CACNB2: variants seen among roughly 807,000 people sequenced by gnomAD.
CACNB2 encodes the protein voltage-dependent L-type calcium channel subunit beta-2.
In CACNB2, 42 loss-of-function variants were observed where a neutral mutation model predicts 73.3. The ratio of observed to expected loss-of-function variants is 0.57; its 90% CI spans 0.45 to 0.74. The LOEUF (loss-of-function observed/expected upper bound fraction) is 0.74, where lower values mean the gene tolerates loss of function less well. Among genes scored for constraint, CACNB2 ranks in the 30% least tolerant of loss-of-function variants. The pLI, the probability that CACNB2 is intolerant of heterozygous loss-of-function variation, is 0.00. For synonymous variants in CACNB2, 348 were observed against 310.3 expected (o/e 1.12, Z -1.28); for missense variants, 940 against 853.0 (o/e 1.10, Z -1.27).
chr10:18,262,520 T>C (rs978699493), intron 2 of CACNB2, among the ~76,000 whole-genome samples: 1 of 152,232 alleles, frequency 6.6e-6, no homozygotes, highest in Non-Finnish European at 1.5e-5. Flanking sequence ...CCAAGATTTC[T>C]AAAGACGACA....
intron 2 of CACNB2, among the ~76,000 whole-genome samples, chr10:18,262,439 A>G (rs1003574095): frequency 1.6e-4 from 24 of 152,156 alleles, no homozygotes; most frequent in Admixed American, 9.8e-4. Flanking sequence ...GTTGTTACAT[A>G]TTTGGTGCCA....
intron 2 of CACNB2, among the ~76,000 whole-genome samples, chr10:18,301,423 C>T (rs993360322): frequency 3.4e-5 from 5 of 146,212 alleles, no homozygotes; most frequent in Admixed American, 1.4e-4. Context: ...AGCAAGACCC[C>T]GCTCTACAAA....
intron 2 of CACNB2, among the ~76,000 whole-genome samples, chr10:18,228,538 T>C (rs1000502475): frequency 3.4e-5 from 5 of 148,812 alleles, no homozygotes; most frequent in Admixed American, 1.3e-4. Context: ...CATGAAAGAA[T>C]AGTGAAGGAT....
intron 2 of CACNB2, among the ~76,000 whole-genome samples, chr10:18,290,791 A>G (rs957437117): frequency 6.6e-6 from 1 of 152,236 alleles, no homozygotes; most frequent in African/African-American, 2.4e-5. Context: ...GTCCGCCTGT[A>G]TAATCCGATT....
chr10:18,262,771 G>A (rs2037613432), intron 2 of CACNB2, among the ~76,000 whole-genome samples: 1 of 152,130 alleles, frequency 6.6e-6, no homozygotes, highest in Non-Finnish European at 1.5e-5. Context: ...GAAATCCATG[G>A]TTATGTGTGC....
At chr10:18,257,754 T>C (rs1018806287) in intron 2 of CACNB2, among the ~76,000 whole-genome samples, 1 of 152,230 alleles carries the variant, frequency 6.6e-6, no homozygotes, top group Non-Finnish European at 1.5e-5. Flanking sequence ...CTCTTTCCTC[T>C]GTTTTTTGAG....
chr10:18,442,997 T>TATAC (rs2046534669), intron 3 of CACNB2, among the ~76,000 whole-genome samples: 1 of 11,756 alleles, frequency 8.5e-5, no homozygotes, highest in Non-Finnish European at 1.5e-4. Context: ...TATATATATA[T>TATAC]GTGTATATAT....
chr10:18,182,783 C>T (rs1252672626), intron 2 of CACNB2, among the ~76,000 whole-genome samples: 2 of 149,780 alleles, frequency 1.3e-5, no homozygotes, highest in African/African-American at 4.9e-5. Flanking sequence ...GATCGCACCA[C>T]TGTACTCCAG....
Position 18,543,543 on chromosome 10 carries a change from T to G in CACNB2, c.*3819T>G, listed in dbSNP as rs1426033209. 1 of 152,208 alleles carries G rather than the reference T, an allele frequency of 6.6e-6. No individual in the cohort carries two copies. Among genetic ancestry groups the G allele is most frequent in the African/African-American group, 2.4e-5 (1 of 41,456 alleles). The allele number at this position is 152,208 out of a possible 1,614,324, so 9.4% of individuals were successfully genotyped here. ...TAATATTAAATGTTAAAATATATAT[T>G]AATTTTCCCTCACATTTCCCTGATT... On this transcript the variant is annotated 3_prime_UTR_variant, in exon 14 of 14. Transcript: ENST00000324631.
At chr10:18,146,838 G>A (rs548012155) in intron 1 of CACNB2, among the ~76,000 whole-genome samples, 1 of 152,140 alleles carries the variant, frequency 6.6e-6, no homozygotes, top group African/African-American at 2.4e-5. Context: ...GGCCAGGCTA[G>A]TGTCAAACTC....
At chr10:18,293,094 C>G (rs991271179) in intron 2 of CACNB2, among the ~76,000 whole-genome samples, 36 of 152,130 alleles carry the variant, frequency 2.4e-4, no homozygotes, top group African/African-American at 8.0e-4. Flanking sequence ...GTTATTGTGG[C>G]TTTTTTCTGT....
At chr10:18,158,696 C>T in intron 2 of CACNB2, among the ~76,000 whole-genome samples, 1 of 152,250 alleles carries the variant, frequency 6.6e-6, no homozygotes, top group East Asian at 1.9e-4. Context: ...AAAAAAATCT[C>T]TAAGTTTAGT....
chr10:18,409,372 A>C (rs979692991), intron 3 of CACNB2, among the ~76,000 whole-genome samples: 6 of 151,742 alleles, frequency 4.0e-5, no homozygotes, highest in Non-Finnish European at 8.8e-5. Context: ...TCCTGGGCTC[A>C]AGTAATCCTC....
At chr10:18,148,672 G>A (rs536776393) in intron 1 of CACNB2, among the ~76,000 whole-genome samples, 197 of 152,224 alleles carry the variant, frequency 1.3e-3, no homozygotes, top group African/African-American at 4.4e-3. Context: ...CAATAGAATT[G>A]CGAAGATACT....
intron 2 of CACNB2, among the ~76,000 whole-genome samples, chr10:18,401,282 C>T (rs2043982483): frequency 6.6e-6 from 1 of 152,100 alleles, no homozygotes; most frequent in South Asian, 2.1e-4. Context: ...TGATTAATTG[C>T]CAGATGAGCT....
At chr10:18,499,637 A>AAAAAAAAG (rs1554831784) in intron 4 of CACNB2, among the ~76,000 whole-genome samples, 2 of 92,540 alleles carry the variant, frequency 2.2e-5, no homozygotes, top group African/African-American at 4.1e-5. Flanking sequence ...AAAAAAAAAA[A>AAAAAAAAG]AAGAACCTAG....
chr10:18,529,356 A>C (rs2052774547), intron 10 of CACNB2, among the ~76,000 whole-genome samples: 1 of 152,224 alleles, frequency 6.6e-6, no homozygotes, highest in African/African-American at 2.4e-5. Context: ...TGAATAAAAA[A>C]AGAAACTGAT....
chr10:18,244,527 G>A (rs2036786770), intron 2 of CACNB2, among the ~76,000 whole-genome samples: 1 of 152,206 alleles, frequency 6.6e-6, no homozygotes, highest in African/African-American at 2.4e-5. Context: ...ATTCTGTTAA[G>A]TACACCTAGC....
At chr10:18,320,886 A>C (rs1564433897) in intron 2 of CACNB2, among the ~76,000 whole-genome samples, 1 of 152,202 alleles carries the variant, frequency 6.6e-6, no homozygotes, top group Non-Finnish European at 1.5e-5. Flanking sequence ...AAGTAGAATA[A>C]CCATATCCAA....
Sources: gnomAD v4.1 joint callset for allele counts (sites outside exome capture counted in the v4.1 genomes callset) on GRCh38, gnomAD v4.1.1 for gene constraint, MANE v1.5 for transcripts, NCBI Gene and HGNC (gene_info 2026-07-23, HGNC 2026-07-21) for gene names.